The following DENND1A variants were observed in gnomAD, a reference collection of about 807,000 sequenced individuals.
DENND1A encodes DENN domain-containing protein 1A.
A neutral mutation model predicts 113.7 loss-of-function variants in DENND1A; 51 were observed. That is an observed-to-expected ratio of 0.45 (90% CI 0.36 to 0.57). DENND1A has a LOEUF of 0.57. Among genes scored for constraint, DENND1A ranks in the 20% least tolerant of loss-of-function variants. The probability of loss-of-function intolerance (pLI) is 0.00; values close to 1 mark genes in which losing one functional copy is unlikely to be tolerated. For synonymous variants in DENND1A, 565 were observed against 570.8 expected, an observed-to-expected ratio of 0.99 and a Z score of 0.14; for missense variants, 1,258 against 1,395.9, an observed-to-expected ratio of 0.90 and a Z score of 1.57.
intron 3 of DENND1A, among the ~76,000 whole-genome samples, chr9:123,786,332 G>A (rs754146453): frequency 6.6e-6 from 1 of 152,058 alleles, no homozygotes; most frequent in Non-Finnish European, 1.5e-5. Flanking sequence ...TAACTTCTAC[G>A]GCTTCATGTG....
intron 13 of DENND1A, among the ~76,000 whole-genome samples, chr9:123,519,301 T>C (rs917124863): frequency 1.3e-5 from 2 of 152,216 alleles, no homozygotes; most frequent in Admixed American, 6.5e-5. Flanking sequence ...GTCACTATTG[T>C]TGGCTGCCCA....
At chr9:123,847,083 T>C (rs932932486) in intron 2 of DENND1A, among the ~76,000 whole-genome samples, 1 of 152,202 alleles carries the variant, frequency 6.6e-6, no homozygotes. Context: ...CCTCAAGCAA[T>C]CCTTTCACAT....
intron 5 of DENND1A, among the ~76,000 whole-genome samples, chr9:123,752,824 G>A (rs1414040859): frequency 6.6e-6 from 1 of 152,192 alleles, no homozygotes; most frequent in Non-Finnish European, 1.5e-5. Context: ...ATATGAAAAT[G>A]CTAAAATGCT....
At chr9:123,917,946 T>A (rs1019158092) in intron 1 of DENND1A, among the ~76,000 whole-genome samples, 2 of 149,050 alleles carry the variant, frequency 1.3e-5, no homozygotes, top group Admixed American at 6.8e-5. Context: ...CCATCTCTAC[T>A]AAAAATACAA....
chr9:123,572,361 T>A (rs1229127861), intron 12 of DENND1A, among the ~76,000 whole-genome samples: 1 of 152,222 alleles, frequency 6.6e-6, no homozygotes, highest in Non-Finnish European at 1.5e-5. Flanking sequence ...GGGGGACGTC[T>A]GTATTGTTTC....
chr9:123,546,071 G>A (rs1185967173), intron 13 of DENND1A, among the ~76,000 whole-genome samples: 1 of 152,100 alleles, frequency 6.6e-6, no homozygotes, highest in African/African-American at 2.4e-5. Flanking sequence ...CTAACTAGAA[G>A]AGAATATTTA....
intron 19 of DENND1A, among the ~76,000 whole-genome samples, chr9:123,435,209 C>T (rs1013367347): frequency 1.9e-4 from 29 of 152,246 alleles, no homozygotes; most frequent in Middle Eastern, 3.4e-3. Context: ...ATGTGGCTTC[C>T]AAGCTCAGTG....
intron 1 of DENND1A, among the ~76,000 whole-genome samples, chr9:123,903,866 C>A (rs1453983681): frequency 6.6e-6 from 1 of 152,094 alleles, no homozygotes; most frequent in African/African-American, 2.4e-5. Flanking sequence ...GGGTGGAGCC[C>A]ACCATAGCTC....
chr9:123,861,740 T>A (rs2133294484), intron 2 of DENND1A, among the ~76,000 whole-genome samples: 1 of 152,314 alleles, frequency 6.6e-6, no homozygotes, highest in South Asian at 2.1e-4. Context: ...GTCAAGCTCC[T>A]TTAAAAAATA....
intron 2 of DENND1A, among the ~76,000 whole-genome samples, chr9:123,860,825 T>G (rs1482724563): frequency 6.6e-6 from 1 of 152,228 alleles, no homozygotes; most frequent in East Asian, 1.9e-4. Context: ...GAGTTTCTCA[T>G]AATGCACTGG....
At chr9:123,581,569 G>A (rs1319401734) in intron 12 of DENND1A, among the ~76,000 whole-genome samples, 2 of 151,892 alleles carry the variant, frequency 1.3e-5, no homozygotes, top group Non-Finnish European at 2.9e-5. Context: ...AGGCTGCAGT[G>A]AGCTAAGATA....
intron 13 of DENND1A, among the ~76,000 whole-genome samples, chr9:123,499,092 G>A (rs2052224014): frequency 6.6e-6 from 1 of 151,860 alleles, no homozygotes; most frequent in African/African-American, 2.4e-5. Context: ...GGAGTGCAGT[G>A]TCGTGATCTT....
rs554128035 is a variant in DENND1A, at chr9:123,482,673, C to T, written c.994-24776G>A. Among the ~76,000 whole-genome samples the T allele has an allele frequency of 3.3e-5, 5 of 152,328 alleles. No individual in the cohort carries two copies. The South Asian group carries it at 1.0e-3, about 32-fold the overall frequency. The stretch of plus-strand genomic sequence containing the variant: ...AAGCAGCCCCATAAAGGAACAATTA[C>T]CCCCTGGGACAATGGCCTTGAAGCA... On this transcript the variant is annotated intron_variant, in intron 13 of 23. Transcript: ENST00000394215.
chr9:123,876,737 AG>A (rs1460866457), intron 2 of DENND1A, among the ~76,000 whole-genome samples: 1 of 152,230 alleles, frequency 6.6e-6, no homozygotes, highest in African/African-American at 2.4e-5. Context: ...ATATACCCAA[AG>A]GAAAATAAAT....
chr9:123,821,095 G>C (rs1838385517), intron 2 of DENND1A, among the ~76,000 whole-genome samples: 1 of 152,166 alleles, frequency 6.6e-6, no homozygotes. Flanking sequence ...ATACTGTTTT[G>C]ACAACTTTAT....
chr9:123,477,837 C>T (rs888875776), intron 13 of DENND1A, among the ~76,000 whole-genome samples: 3 of 152,050 alleles, frequency 2.0e-5, no homozygotes, highest in Admixed American at 6.5e-5. Context: ...AAATCCTGCT[C>T]GGGGACTGCC....
At chr9:123,858,070 A>G (rs911537430) in intron 2 of DENND1A, among the ~76,000 whole-genome samples, 1 of 150,942 alleles carries the variant, frequency 6.6e-6, no homozygotes, top group Non-Finnish European at 1.5e-5. Context: ...AAAAAAAAAA[A>G]AAAAAAGAAA....
chr9:123,470,273 C>T (rs1411806250), intron 13 of DENND1A, among the ~76,000 whole-genome samples: 2 of 151,908 alleles, frequency 1.3e-5, no homozygotes, highest in Non-Finnish European at 2.9e-5. Flanking sequence ...TGTGCTGCCG[C>T]AGAGCTACAG....
chr9:123,439,004 G>A (rs2046728963), intron 19 of DENND1A, among the ~76,000 whole-genome samples: 1 of 152,184 alleles, frequency 6.6e-6, no homozygotes, highest in Non-Finnish European at 1.5e-5. Flanking sequence ...GTTAGTGTGT[G>A]CAGGAATGAG....
Sources: gnomAD v4.1 joint callset for allele counts (sites outside exome capture counted in the v4.1 genomes callset) on GRCh38, gnomAD v4.1.1 for gene constraint, MANE v1.5 for transcripts, NCBI Gene and HGNC (gene_info 2026-07-23, HGNC 2026-07-21) for gene names.